TMEM114: variants seen among roughly 807,000 people sequenced by gnomAD.
TMEM114 encodes transmembrane protein 114.
In TMEM114, 6 loss-of-function variants were observed where a neutral mutation model predicts 6.2. The ratio of observed to expected loss-of-function variants is 0.97; its 90% CI spans 0.53 to 1.91. TMEM114 has a LOEUF of 1.91. TMEM114 is among the 40% of genes most tolerant of loss of function. The pLI, the probability that TMEM114 is intolerant of heterozygous loss-of-function variation, is 0.01. For missense variants in TMEM114, 218 were observed against 158.3 expected (o/e 1.38, Z -2.02); for synonymous variants, 104 against 73.0 (o/e 1.42, Z -2.16).
At chr16:8,559,554 C>G (rs9635561) in intron 2 of TMEM114, among the ~76,000 whole-genome samples, 71,089 of 152,052 alleles carry the variant, frequency 0.47, 17,403 homozygotes, top group African/African-American at 0.6. Context: ...AAGGTGGAAG[C>G]GGATAGGGGA....
At chr16:8,533,930 A>G (rs879486100), downstream of TMEM114, among the ~76,000 whole-genome samples, 2 of 152,208 alleles carry the variant, frequency 1.3e-5, no homozygotes, top group Non-Finnish European at 2.9e-5. Flanking sequence ...AAGCAACTCC[A>G]GTGTGACTCC....
At chr16:8,580,657 C>T (rs1902110567) in intron 2 of TMEM114, among the ~76,000 whole-genome samples, 1 of 152,082 alleles carries the variant, frequency 6.6e-6, no homozygotes, top group East Asian at 1.9e-4. Flanking sequence ...TTCACATATT[C>T]CTCAAATTCT....
chr16:8,558,725 C>G (rs979844191), intron 2 of TMEM114, among the ~76,000 whole-genome samples: 6 of 150,102 alleles, frequency 4.0e-5, no homozygotes, highest in African/African-American at 1.2e-4. Flanking sequence ...GATCAGATGC[C>G]AGTATGATTG....
At chr16:8,580,144 G>A (rs973118375) in intron 2 of TMEM114, among the ~76,000 whole-genome samples, 1 of 152,144 alleles carries the variant, frequency 6.6e-6, no homozygotes, top group Non-Finnish European at 1.5e-5. Context: ...CACAGAGGCA[G>A]CCCTCTTGGA....
intron 2 of TMEM114, among the ~76,000 whole-genome samples, chr16:8,577,785 C>A (rs1294268163): frequency 1.3e-5 from 2 of 152,032 alleles, no homozygotes; most frequent in African/African-American, 4.8e-5. Flanking sequence ...CGGCATTTCA[C>A]CATATTGGTC....
chr16:8,543,691 T>G (rs1900582380), intron 2 of TMEM114, among the ~76,000 whole-genome samples: 1 of 152,208 alleles, frequency 6.6e-6, no homozygotes, highest in Admixed American at 6.5e-5. Context: ...TCTTCTAACA[T>G]GGACTGTATC....
At chr16:8,539,091 G>A (rs1400543276) in intron 2 of TMEM114, among the ~76,000 whole-genome samples, 1 of 151,988 alleles carries the variant, frequency 6.6e-6, no homozygotes, top group African/African-American at 2.4e-5. Flanking sequence ...ATTTTTTTTA[G>A]TTACTTCCAC....
intron 2 of TMEM114, among the ~76,000 whole-genome samples, chr16:8,551,191 C>G (rs191802303): frequency 1.3e-5 from 2 of 152,238 alleles, no homozygotes; most frequent in African/African-American, 4.8e-5. Flanking sequence ...GAACCAGGAA[C>G]AAGACTCTGG....
Position 8,572,114 on chromosome 16 carries a change from G to A in TMEM114, c.412C>T (p.Leu138Phe), listed in dbSNP as rs1305674087. Reference protein sequence around the residue: ...FLLQAYLLLLLTGILFLFGAM... With the variant: ...FLLQAYLLLLFTGILFLFGAM... ...CCAAAGAGGAAGAGAATTCCAGTGA[G>A]CAGGAGGAGGAGGTAGGCTTGGAGG... Residue 138 changes from leucine (L) to phenylalanine (F), a missense_variant, in exon 3 of 4, where the codon CTC becomes TTC. Leu to Phe is a conservative substitution (Grantham distance 22). Transcript: ENST00000620492. The A allele has an allele frequency of 2.6e-6, 4 of 1,550,946 alleles. No homozygotes were observed. The highest frequency in any genetic ancestry group is 2.7e-5 in the African/African-American group (2 of 72,998).
At chr16:8,539,414 G>A (rs542067504) in intron 2 of TMEM114, among the ~76,000 whole-genome samples, 3 of 152,118 alleles carry the variant, frequency 2.0e-5, no homozygotes, top group South Asian at 2.1e-4. Context: ...CTCCAGCTCC[G>A]CAAAGCCTCC....
intron 2 of TMEM114, among the ~76,000 whole-genome samples, chr16:8,551,108 C>T (rs896889078): frequency 6.6e-5 from 10 of 152,192 alleles, no homozygotes; most frequent in East Asian, 3.8e-4. Flanking sequence ...AAACGTGCTG[C>T]GGTCTCTGGC....
Position 8,554,000 on chromosome 16 carries a change from G to A in TMEM114, n.213-16174C>T, listed in dbSNP as rs1001787667. ...TTCAAGCGATTCTCATGTGTCAGCCGCCTGAATAGCTGGGATTACAGGCAT... is the reference window on the plus strand; with the variant it reads ...TTCAAGCGATTCTCATGTGTCAGCCACCTGAATAGCTGGGATTACAGGCAT... On this transcript the variant is annotated intron_variant and non_coding_transcript_variant, in intron 2 of 2. Transcript: ENST00000623677. Among the ~76,000 whole-genome samples, 7 of 151,336 alleles carry A rather than the reference G, an allele frequency of 4.6e-5. No homozygotes were observed. In the East Asian group the frequency reaches 5.8e-4, roughly 13 times the overall value.
intron 2 of TMEM114, among the ~76,000 whole-genome samples, chr16:8,555,521 G>T (rs1025425958): frequency 6.6e-6 from 1 of 152,206 alleles, no homozygotes. Flanking sequence ...TAATTTCTGG[G>T]TGTTGTCATG....
chr16:8,556,164 C>CGTAAA (rs1901003367), intron 2 of TMEM114, among the ~76,000 whole-genome samples: 1 of 152,218 alleles, frequency 6.6e-6, no homozygotes, highest in East Asian at 1.9e-4. Context: ...AATGCCAAGT[C>CGTAAA]TGAATTCTTC....
chr16:8,584,279 C>T (rs972819205), intron 2 of TMEM114, among the ~76,000 whole-genome samples: 1 of 152,076 alleles, frequency 6.6e-6, no homozygotes, highest in African/African-American at 2.4e-5. Context: ...CACTTGCCAC[C>T]AAAAAGTTCC....
downstream of TMEM114, among the ~76,000 whole-genome samples, chr16:8,566,010 G>C (rs1024660029): frequency 5.9e-5 from 9 of 152,208 alleles, no homozygotes; most frequent in African/African-American, 2.2e-4. Context: ...GAACAGATCA[G>C]AACAAAATGG....
chr16:8,582,457 G>T (rs1422418072), intron 2 of TMEM114, among the ~76,000 whole-genome samples: 1 of 152,218 alleles, frequency 6.6e-6, no homozygotes, highest in Non-Finnish European at 1.5e-5. Context: ...GTCTGAAAGA[G>T]GCAATGTTGG....
At chr16:8,552,274 C>T (rs1215898670) in intron 2 of TMEM114, among the ~76,000 whole-genome samples, 1 of 151,872 alleles carries the variant, frequency 6.6e-6, no homozygotes, top group Non-Finnish European at 1.5e-5. Context: ...GTCCCAGCTA[C>T]TACGGGGGCT....
downstream of TMEM114, among the ~76,000 whole-genome samples, chr16:8,568,760 T>G (rs916815174): frequency 4.6e-5 from 7 of 152,174 alleles, no homozygotes; most frequent in African/African-American, 1.4e-4. Flanking sequence ...GCCATGGTTT[T>G]GGGTTAGAAT....
Sources: allele counts gnomAD v4.1 joint callset (sites outside exome capture counted in the v4.1 genomes callset), GRCh38; gene constraint gnomAD v4.1.1; transcripts MANE v1.5; gene names NCBI Gene and HGNC (gene_info 2026-07-23, HGNC 2026-07-21).